The following ADGRV1 variants were observed in gnomAD, a reference collection of about 807,000 sequenced individuals.
ADGRV1 encodes the protein adhesion G protein-coupled receptor V1, also known as G-protein coupled receptor 98.
Under a neutral mutation model 596.2 loss-of-function variants are expected in ADGRV1, and 359 were observed. The ratio of observed to expected loss-of-function variants is 0.60; its 90% confidence interval spans 0.55 to 0.66. The LOEUF (loss-of-function observed/expected upper bound fraction) is 0.66. Among genes scored for constraint, ADGRV1 ranks in the 30% least tolerant of loss-of-function variants. The pLI is 0.00. For synonymous variants in ADGRV1, 2,681 were observed against 2,679.2 expected, an observed-to-expected ratio of 1.00 and a Z score of -0.02; for missense variants, 7,274 against 7,575.6, an observed-to-expected ratio of 0.96 and a Z score of 1.48.
Position 90,617,987 on chromosome 5 carries a change from A to G in ADGRV1, c.357+34A>G, listed in dbSNP as rs201787950. 1.1e-4 allele frequency: 168 copies of G among 1,482,064 alleles called. 2 individuals carry two copies. In the East Asian group the frequency reaches 4.1e-3, roughly 36 times the overall value. 91.8% of individuals were successfully genotyped at this position (1,482,064 alleles called of 1,614,324 possible). A position where few individuals can be genotyped will look rare whatever the true frequency, so the allele number is the denominator to read the frequency against. ...GTGTTTCCTCCTTATAAAAATTATA[A>G]GGAGGACTTATAAAACTTATAAAAA... On this transcript the variant is annotated intron_variant, in intron 3 of 89. Transcript: ENST00000405460.
At chr5:90,747,247 C>T (rs942209335) in intron 52 of ADGRV1, among the ~76,000 whole-genome samples, 7 of 152,016 alleles carry the variant, frequency 4.6e-5, no homozygotes, top group Non-Finnish European at 1.0e-4. Flanking sequence ...TGTAGCCCTG[C>T]CCATCTGGAG....
At chr5:91,059,006 A>C (rs572921318) in intron 85 of ADGRV1, among the ~76,000 whole-genome samples, 1 of 152,300 alleles carries the variant, frequency 6.6e-6, no homozygotes, top group South Asian at 2.1e-4. Flanking sequence ...AATAAATGTG[A>C]TGAATGTTCA....
chr5:90,862,876 G>A (rs1767739884), intron 82 of ADGRV1, among the ~76,000 whole-genome samples: 1 of 152,250 alleles, frequency 6.6e-6, no homozygotes, highest in African/African-American at 2.4e-5. Context: ...AACATGCAGT[G>A]TATTCTGAAA....
At chr5:90,787,329 G>A (rs1221665485) in intron 67 of ADGRV1, among the ~76,000 whole-genome samples, 1 of 152,106 alleles carries the variant, frequency 6.6e-6, no homozygotes, top group Non-Finnish European at 1.5e-5. Context: ...AGGAATATAA[G>A]TAGATTTAGC....
At chr5:90,816,494 T>C (rs1762906642) in intron 75 of ADGRV1, among the ~76,000 whole-genome samples, 4 of 151,888 alleles carry the variant, frequency 2.6e-5, no homozygotes, top group Admixed American at 2.6e-4. Flanking sequence ...ATGTGCCATG[T>C]TGGTGTGCTG....
intron 83 of ADGRV1, among the ~76,000 whole-genome samples, chr5:90,950,794 G>A (rs1776995016): frequency 6.6e-6 from 1 of 152,172 alleles, no homozygotes; most frequent in African/African-American, 2.4e-5. Context: ...TTGGCACCTT[G>A]TAGTGAGAGC....
Position 90,635,823 on chromosome 5 carries a change from G to A in ADGRV1, c.2016+533G>A, listed in dbSNP as rs141949028. 4.6e-5 allele frequency among the ~76,000 whole-genome samples: 7 copies of A among 151,984 alleles called. No individual in the cohort carries two copies. The East Asian group carries it at 1.4e-3, about 29-fold the overall frequency. ...TTGTCCAGTTTGGTCCCCAACTACT[G>A]AGCTCAAGTAGTCCACCTCCCTTGG... On this transcript the variant is annotated intron_variant, in intron 10 of 89. Coordinates refer to ENST00000405460, the MANE Select transcript of ADGRV1 (RefSeq NM_032119.4).
At chr5:90,995,414 C>A (rs1781332367) in intron 85 of ADGRV1, among the ~76,000 whole-genome samples, 1 of 152,158 alleles carries the variant, frequency 6.6e-6, no homozygotes, top group Non-Finnish European at 1.5e-5. Flanking sequence ...AGAATGAGGG[C>A]TATTTTTCCA....
chr5:90,618,956 T>C (rs1580470061), intron 3 of ADGRV1, 130 bp from the exon 4 acceptor site: 1 of 437,840 alleles, frequency 2.3e-6, no homozygotes, highest in East Asian at 3.7e-5. Flanking sequence ...ACTTAATCTG[T>C]GCATTAAGAT....
intron 86 of ADGRV1, among the ~76,000 whole-genome samples, chr5:91,081,380 A>G (rs1007868629): frequency 2.6e-5 from 4 of 152,144 alleles, no homozygotes; most frequent in African/African-American, 7.2e-5. Context: ...CTTGAGACCA[A>G]TATTGTTCAA....
At chr5:91,082,257 C>A (rs1360564451) in intron 86 of ADGRV1, among the ~76,000 whole-genome samples, 1 of 152,182 alleles carries the variant, frequency 6.6e-6, no homozygotes, top group African/African-American at 2.4e-5. Context: ...TGTATTCAGG[C>A]TAAGTAAGTT....
intron 21 of ADGRV1, among the ~76,000 whole-genome samples, chr5:90,669,272 G>A (rs1014476203): frequency 1.3e-5 from 2 of 152,256 alleles, no homozygotes; most frequent in Middle Eastern, 3.4e-3. Context: ...ATTGACACCT[G>A]GGTCTCAAGC....
At chr5:90,764,229 C>T (rs1030824268) in intron 59 of ADGRV1, among the ~76,000 whole-genome samples, 3 of 152,114 alleles carry the variant, frequency 2.0e-5, no homozygotes, top group African/African-American at 7.2e-5. Context: ...ACAGATATGC[C>T]CCTCTAGGAG....
rs370921381 is a variant in ADGRV1 at position 90,725,198 on chromosome 5, T to C, written c.10019T>C (p.Val3340Ala). ...GAAGAAAAGCCTTCTCTTAACAGTGTGTTTACATTCACATCTGGATTTAAA... is the reference window on the plus strand; with the variant it reads ...GAAGAAAAGCCTTCTCTTAACAGTGCGTTTACATTCACATCTGGATTTAAA... ...RNEEKPSLNS[V>A]FTFTSGFKLF... The change falls in exon 47 of 90, where the codon GTG becomes GCG. Residue 3340 changes from valine to alanine, a missense_variant. Around this residue, in one of 5 missense-constraint regions of ADGRV1, gnomAD observed 3,643 missense variants for 3,809.2 expected, o/e 0.96. Coordinates refer to ENST00000405460, the MANE Select transcript of ADGRV1 (RefSeq NM_032119.4). The C allele has an allele frequency of 1.3e-6, 2 of 1,521,336 alleles. No homozygotes were observed. The highest frequency in any genetic ancestry group is 1.8e-6 in the Non-Finnish European group (2 of 1,126,258). 94.2% of individuals were successfully genotyped at this position (1,521,336 alleles called of 1,614,324 possible).
Position 90,614,951 on chromosome 5 carries a change from A to C in ADGRV1, c.139A>C (p.Ser47Arg). 10 of 1,586,460 alleles carry C rather than the reference A, an allele frequency of 6.3e-6. No homozygotes were observed. Among genetic ancestry groups the C allele is most frequent in the Non-Finnish European group, 8.6e-6 (10 of 1,163,484 alleles). The change falls in exon 2 of 90, where the codon AGT becomes CGT. Residue 47 changes from serine (S) to arginine (R), a missense_variant. By Grantham distance (110) the Ser-to-Arg change is moderately radical. Coordinates refer to ENST00000405460, the MANE Select transcript of ADGRV1 (RefSeq NM_032119.4). ...AACTGAATTTGTTGTTAATGAAACA[A>C]GTACAACAGTTATTCGTCTTATCAT... ...GQTEFVVNET[S>R]TTVIRLIIER...
intron 25 of ADGRV1, among the ~76,000 whole-genome samples, chr5:90,679,100 T>C (rs1386970613): frequency 6.6e-6 from 1 of 152,106 alleles, no homozygotes; most frequent in Middle Eastern, 3.2e-3. Flanking sequence ...GATTTGAATG[T>C]GTGGATGGAA....
At position 90,841,930 on chromosome 5, in the gene ADGRV1, CA is replaced by C. The variant is rs534639622; in HGVS notation, c.17019+948del. Among the ~76,000 whole-genome samples, 28 of 152,218 alleles carry C rather than the reference CA, an allele frequency of 1.8e-4. No homozygotes were observed. The East Asian group carries it at 5.4e-3, about 29-fold the overall frequency. On this transcript the variant is annotated intron_variant, in intron 78 of 89. Coordinates refer to ENST00000405460, the MANE Select transcript of ADGRV1 (RefSeq NM_032119.4). ...AGGCCATGGCAAACATCTTATAAAGCAAAGGGAAGCGATTGCTATTTCATGC... is the reference window on the plus strand; with the variant it reads ...AGGCCATGGCAAACATCTTATAAAGCAAGGGAAGCGATTGCTATTTCATGC...
At chr5:90,712,599 C>T (rs142937795) in intron 42 of ADGRV1, among the ~76,000 whole-genome samples, 171 bp downstream of exon 42, 135 of 151,902 alleles carry the variant, frequency 8.9e-4, no homozygotes, top group Middle Eastern at 3.4e-3. Context: ...GTGCCTCTCA[C>T]GTGTGTATGT....
intron 85 of ADGRV1, among the ~76,000 whole-genome samples, chr5:91,007,013 G>T (rs1782336964): frequency 6.6e-6 from 1 of 152,170 alleles, no homozygotes; most frequent in Non-Finnish European, 1.5e-5. Flanking sequence ...AATCTCATCT[G>T]AACTTCCCCT....
Sources: allele counts gnomAD v4.1 joint callset (sites outside exome capture counted in the v4.1 genomes callset), GRCh38; gene constraint gnomAD v4.1.1; regional missense constraint gnomAD v4.1.1; transcripts MANE v1.5; gene names NCBI Gene and HGNC (gene_info 2026-07-23, HGNC 2026-07-21).